Variants in DPYD observed in about 807,000 individuals in gnomAD.
The protein encoded by DPYD is dihydropyrimidine dehydrogenase [NADP(+)].
Under a neutral mutation model 116.2 loss-of-function variants are expected in DPYD, and 109 were observed. The ratio of observed to expected loss-of-function variants is 0.94; its 90% CI spans 0.80 to 1.10. The LOEUF (loss-of-function observed/expected upper bound fraction) is 1.10, where lower values mean the gene tolerates loss of function less well. Among genes scored for constraint, DPYD ranks in the 50% least tolerant of loss-of-function variants. DPYD has a pLI of 0.00. For synonymous variants in DPYD, 440 were observed against 432.0 expected, an observed-to-expected ratio of 1.02 and a Z score of -0.23; for missense variants, 1,302 against 1,254.5, an observed-to-expected ratio of 1.04 and a Z score of -0.57.
intron 19 of DPYD, among the ~76,000 whole-genome samples, chr1:97,203,479 G>C (rs1659352537): frequency 6.7e-6 from 1 of 150,120 alleles, no homozygotes; most frequent in Non-Finnish European, 1.5e-5. Context: ...GGACTGTTGT[G>C]GGGTGGGGGG....
At chr1:97,228,397 G>A (rs1661336562) in intron 19 of DPYD, among the ~76,000 whole-genome samples, 1 of 151,956 alleles carries the variant, frequency 6.6e-6, no homozygotes, top group Non-Finnish European at 1.5e-5. Context: ...AGATTCATTT[G>A]GAACAGATTT....
At chr1:97,585,040 A>C (rs1365095806) in intron 10 of DPYD, among the ~76,000 whole-genome samples, 1 of 151,746 alleles carries the variant, frequency 6.6e-6, no homozygotes, top group Non-Finnish European at 1.5e-5. Flanking sequence ...TACATACGTA[A>C]AATTATATAT....
In DPYD at chr1:97,678,815, T is replaced by C. The variant is rs1292174557; in HGVS notation, c.850+280A>G. Reference sequence around the variant, plus strand: ...ATTCTGAGTTTCTGGTGGTATGACTTGAAAATATTTTCTTCCTAGAGATTC... The same window carrying C: ...ATTCTGAGTTTCTGGTGGTATGACTCGAAAATATTTTCTTCCTAGAGATTC... On this transcript the variant is annotated intron_variant, in intron 8 of 22. Coordinates refer to ENST00000370192, the MANE Select transcript of DPYD (RefSeq NM_000110.4). Among the ~76,000 whole-genome samples, 3 of 152,164 alleles carry C rather than the reference T, an allele frequency of 2.0e-5. No individual in the cohort carries two copies. The East Asian group carries it at 5.8e-4, about 29-fold the overall frequency.
intron 15 of DPYD, among the ~76,000 whole-genome samples, chr1:97,381,091 C>T (rs898428546): frequency 1.3e-5 from 2 of 152,092 alleles, no homozygotes; most frequent in African/African-American, 4.8e-5. Flanking sequence ...ATTTTGCAGA[C>T]TGTTTTGATT....
chr1:97,721,532 C>A lies in DPYD; in HGVS notation c.461G>T (p.Gly154Val), dbSNP rs1456517895. 6.2e-7 allele frequency: 1 copy of A among 1,611,392 alleles called. No individual in the cohort carries two copies. The highest frequency in any genetic ancestry group is 2.2e-5 in the East Asian group (1 of 44,808). Residue 154 changes from glycine to valine, a missense_variant, in exon 5 of 23, where the codon GGA becomes GTA. Gly to Val is a moderately radical substitution (Grantham distance 109, BLOSUM62 -3). Coordinates refer to ENST00000370192, the MANE Select transcript of DPYD (RefSeq NM_000110.4). The part of the protein sequence containing the change: ...ATEEGPINIG[G>V]LQQFATEVFK... Reference sequence around the variant, plus strand: ...TACCTCAGTAGCAAATTGCTGCAATCCACCAATATTAATGGGTCCCTCTTC... The same window carrying A: ...TACCTCAGTAGCAAATTGCTGCAATACACCAATATTAATGGGTCCCTCTTC...
chr1:97,718,728 G>A (rs1341558151), intron 5 of DPYD, among the ~76,000 whole-genome samples: 1 of 151,368 alleles, frequency 6.6e-6, no homozygotes, highest in Non-Finnish European at 1.5e-5. Context: ...GCAATGGGTA[G>A]AAAGATGCAT....
chr1:97,244,205 T>G (rs1336920905), intron 18 of DPYD, among the ~76,000 whole-genome samples: 1 of 152,172 alleles, frequency 6.6e-6, no homozygotes, highest in African/African-American at 2.4e-5. Flanking sequence ...TACTGTCATC[T>G]TCAGATAATT....
intron 16 of DPYD, among the ~76,000 whole-genome samples, chr1:97,350,611 G>A (rs986036564): frequency 1.3e-5 from 2 of 152,092 alleles, no homozygotes; most frequent in Non-Finnish European, 2.9e-5. Context: ...GACAGGTTTT[G>A]TATTAAAACT....
Position 97,515,225 on chromosome 1 carries a change from T to A in DPYD, c.1740+501A>T, listed in dbSNP as rs1648129490. ...TAAGTATAAGATGTCCACTTCTGGT[T>A]AAGTACAAAGTCATAATGTTAAATG... is the stretch of plus-strand genomic sequence containing the variant. On this transcript the variant is annotated intron_variant, in intron 13 of 22. Coordinates refer to ENST00000370192, the MANE Select transcript of DPYD (RefSeq NM_000110.4). Among the ~76,000 whole-genome samples the A allele has an allele frequency of 2.6e-5, 4 of 152,070 alleles. 1 individual carries two copies. The highest frequency in any genetic ancestry group is 3.4e-3 in the Middle Eastern group (1 of 294).
chr1:97,261,201 G>A (rs1228085046), intron 18 of DPYD, among the ~76,000 whole-genome samples: 5 of 152,002 alleles, frequency 3.3e-5, no homozygotes, highest in African/African-American at 9.7e-5. Flanking sequence ...GTAGCTTTTC[G>A]AAGTAGATTC....
chr1:97,110,284 C>A (rs1570471651), intron 20 of DPYD, among the ~76,000 whole-genome samples: 1 of 152,076 alleles, frequency 6.6e-6, no homozygotes, highest in African/African-American at 2.4e-5. Flanking sequence ...ATATGATCTC[C>A]TTCCTCAGGG....
rs756372042 is a variant in DPYD, at chr1:97,593,339, A to G, written c.1007T>C (p.Ile336Thr). The G allele has an allele frequency of 3.7e-6, 6 of 1,614,014 alleles. No homozygotes were observed. In the East Asian group the frequency reaches 1.3e-4, roughly 36 times the overall value. The stretch of plus-strand genomic sequence containing the variant: ...GGCAGTGTCTCCAGCTCCAAGTACA[A>G]TCACGACTCCCCGTATCGATGGCAA... ...SPLPSIRGVVIVLGAGDTAFD... is the reference protein window; with the variant it reads ...SPLPSIRGVVTVLGAGDTAFD... Residue 336 changes from isoleucine to threonine, a missense_variant, in exon 10 of 23, where the codon ATT (isoleucine) becomes ACT (threonine). Ile to Thr is a moderately conservative substitution (Grantham distance 89, BLOSUM62 -1). Coordinates refer to ENST00000370192, the MANE Select transcript of DPYD (RefSeq NM_000110.4).
intron 20 of DPYD, among the ~76,000 whole-genome samples, chr1:97,136,699 C>T (rs193259113): frequency 2.6e-5 from 4 of 152,176 alleles, no homozygotes; most frequent in Non-Finnish European, 4.4e-5. Context: ...GGATGAATCA[C>T]GAACGAATAG....
At chr1:97,487,811 T>C (rs1014800281) in intron 13 of DPYD, among the ~76,000 whole-genome samples, 4 of 152,242 alleles carry the variant, frequency 2.6e-5, no homozygotes, top group African/African-American at 7.2e-5. Flanking sequence ...AGATCACTTA[T>C]ACATTGCTTG....
At chr1:97,195,097 C>T (rs961416476) in intron 19 of DPYD, among the ~76,000 whole-genome samples, 2 of 152,104 alleles carry the variant, frequency 1.3e-5, no homozygotes, top group Non-Finnish European at 2.9e-5. Flanking sequence ...AACCTCTTCA[C>T]CAACATGGCC....
intron 13 of DPYD, among the ~76,000 whole-genome samples, chr1:97,459,416 C>T (rs912301305): frequency 6.6e-6 from 1 of 151,972 alleles, no homozygotes; most frequent in Admixed American, 6.6e-5. Flanking sequence ...ATGAAGGACA[C>T]CAATTCTTAG....
chr1:97,474,338 A>T (rs1677830936), intron 13 of DPYD, among the ~76,000 whole-genome samples: 1 of 152,120 alleles, frequency 6.6e-6, no homozygotes, highest in Non-Finnish European at 1.5e-5. Flanking sequence ...ACATACTCTG[A>T]GTGTCTAACT....
chr1:97,584,833 T>C (rs970063100), intron 10 of DPYD, among the ~76,000 whole-genome samples: 4 of 148,908 alleles, frequency 2.7e-5, no homozygotes, highest in Admixed American at 1.3e-4. Context: ...TAGCATTAGG[T>C]CATATACCTA....
intron 16 of DPYD, among the ~76,000 whole-genome samples, chr1:97,325,599 C>T (rs930810598): frequency 1.8e-4 from 27 of 151,996 alleles, no homozygotes; most frequent in African/African-American, 6.5e-4. Flanking sequence ...AAACAATCTG[C>T]TCTACTTGAA....
Sources: allele counts gnomAD v4.1 joint callset (sites outside exome capture counted in the v4.1 genomes callset), GRCh38; gene constraint gnomAD v4.1.1; transcripts MANE v1.5; gene names NCBI Gene and HGNC (gene_info 2026-07-23, HGNC 2026-07-21).